Variants in DNASE1 observed in about 807,000 individuals in gnomAD.
The protein encoded by DNASE1 is deoxyribonuclease 1.
A neutral mutation model predicts 33.9 loss-of-function variants in DNASE1; 40 were observed. The observed-to-expected ratio is 1.18, with a 90% CI of 0.92 to 1.54. The LOEUF is 1.54. DNASE1 is among the 40% of genes most tolerant of loss of function. The pLI is 0.00. For missense variants in DNASE1, 518 were observed against 372.6 expected (o/e 1.39, Z -3.21); for synonymous variants, 216 against 160.0 (o/e 1.35, Z -2.64).
chr16:3,656,833 G>A (rs903228335), intron 5 of DNASE1, 80 bp downstream of exon 5: 7 of 1,544,050 alleles, frequency 4.5e-6, no homozygotes, highest in Non-Finnish European at 6.1e-6. Flanking sequence ...TGGAATGCCT[G>A]TGTCACACAC....
chr16:3,657,676 A>G (rs1486169452), intron 7 of DNASE1, 44 bp from the exon 8 acceptor site: 13 of 1,611,332 alleles, frequency 8.1e-6, no homozygotes, highest in South Asian at 2.2e-5. Flanking sequence ...AGCCAGGCCC[A>G]TGTGTGAAAG....
chr16:3,657,270 C>A lies in DNASE1; in HGVS notation c.633C>A (p.Ser211Arg). 1 of 1,614,026 alleles carries A rather than the reference C, an allele frequency of 6.2e-7. No individual in the cohort carries two copies. Among genetic ancestry groups the A allele is most frequent in the South Asian group, 1.1e-5 (1 of 91,082 alleles). ...SQWSSIRLWT[S>R]PTFQWLIPDS... The stretch of plus-strand genomic sequence containing the variant: ...GGTCATCCATCCGCCTGTGGACAAG[C>A]CCCACCTTCCAGTGGCTGATCCCCG... The change falls in exon 7 of 9, where the codon AGC (serine) becomes AGA (arginine). Residue 211 changes from serine (S) to arginine (R), a missense_variant. Transcript: ENST00000246949.
Position 3,654,803 on chromosome 16 carries a change from C to G in DNASE1, c.-243C>G, listed in dbSNP as rs1295923568. ...TGTTTTCTGCACTCTCAGGTGACGGCTCACATTTGCCCCAGGGAAGGTCAC... is the reference window on the plus strand; with the variant it reads ...TGTTTTCTGCACTCTCAGGTGACGGGTCACATTTGCCCCAGGGAAGGTCAC... On this transcript the variant is annotated 5_prime_UTR_variant, in exon 1 of 9. Coordinates refer to ENST00000246949, the MANE Select transcript of DNASE1 (RefSeq NM_005223.4). 1 of 401,882 alleles carries G rather than the reference C, an allele frequency of 2.5e-6. No individual in the cohort carries two copies. Among genetic ancestry groups the G allele is most frequent in the Non-Finnish European group, 4.4e-6 (1 of 228,490 alleles). The allele number at this position is 401,882 out of a possible 1,614,324, so 24.9% of individuals were successfully genotyped here.
exon 10 of DNASE1, chr16:3,664,727 G>A (rs1190370993): frequency 9.5e-6 from 4 of 422,654 alleles, no homozygotes; most frequent in East Asian, 4.9e-5. Context: ...ACCACGCCCT[G>A]GGAGGGGACC....
Position 3,656,087 on chromosome 16 carries a change from G to C in DNASE1, c.237-15G>C. On this transcript the variant is annotated splice_polypyrimidine_tract_variant and intron_variant, in intron 3 of 8. Coordinates refer to ENST00000246949, the MANE Select transcript of DNASE1 (RefSeq NM_005223.4). ...ATGGCCCCCGCCACTGGGACCTTTT[G>C]TTTCTTCAATCCAGGGATGCACCAG... 6 of 1,614,038 alleles carry C rather than the reference G, an allele frequency of 3.7e-6. No homozygotes were observed. Among genetic ancestry groups the C allele is most frequent in the Non-Finnish European group, 4.2e-6 (5 of 1,179,974 alleles).
At chr16:3,661,833 G>C (rs2043093604), downstream of DNASE1, 2 of 1,001,370 alleles carry the variant, frequency 2.0e-6, no homozygotes, top group South Asian at 4.7e-5. Flanking sequence ...TTTCACATGG[G>C]TGCAGCCTAA....
chr16:3,647,262 ATTTT>A (rs537295148), intron 1 of DNASE1, among the ~76,000 whole-genome samples: 1 of 130,228 alleles, frequency 7.7e-6, no homozygotes, highest in African/African-American at 2.9e-5. Context: ...TAATCATGGG[ATTTT>A]TTTTTTTTTT....
At chr16:3,642,755 G>T (rs1034359269), upstream of DNASE1, 3 of 152,470 alleles carry the variant, frequency 2.0e-5, no homozygotes, top group African/African-American at 7.2e-5. Context: ...GTCCCTGGGG[G>T]ACTGTCATTG....
chr16:3,647,459 A>C (rs1404208525), intron 1 of DNASE1, among the ~76,000 whole-genome samples: 1 of 151,876 alleles, frequency 6.6e-6, no homozygotes, highest in Admixed American at 6.6e-5. Context: ...TTTTTTGTAG[A>C]GACAGGTTCT....
exon 10 of DNASE1, chr16:3,664,359 C>G (rs746111043): frequency 1.2e-6 from 2 of 1,612,352 alleles, no homozygotes; most frequent in Non-Finnish European, 8.5e-7. Flanking sequence ...GTAGATGTTG[C>G]GGGTGCCGGC....
chr16:3,662,255 C>T, downstream of DNASE1: 1 of 1,206,722 alleles, frequency 8.3e-7, no homozygotes, highest in South Asian at 1.5e-5. Context: ...AAGGACTCCC[C>T]TGGACCAGCG....
intron 1 of DNASE1, among the ~76,000 whole-genome samples, chr16:3,630,373 G>C (rs1186264158): frequency 6.6e-6 from 1 of 152,022 alleles, no homozygotes; most frequent in Non-Finnish European, 1.5e-5. Context: ...TGTAGAGACA[G>C]GTTTTCTCCA....
At chr16:3,657,661 T>C (rs2151226207) in intron 7 of DNASE1, 59 bp from the exon 8 acceptor site, 2 of 1,604,244 alleles carry the variant, frequency 1.2e-6, no homozygotes, top group Non-Finnish European at 8.5e-7. Context: ...TTCCTGCGGG[T>C]GCTGAGCCAG....
chr16:3,627,297 GGGT>G, intron 1 of DNASE1, among the ~76,000 whole-genome samples: 1 of 148,098 alleles, frequency 6.8e-6, no homozygotes, highest in East Asian at 2.0e-4. Context: ...TTTTTAGACA[GGGT>G]GGTCTTGCTC....
At chr16:3,623,061 T>G (rs761567757) in intron 1 of DNASE1, among the ~76,000 whole-genome samples, 4 of 152,102 alleles carry the variant, frequency 2.6e-5, no homozygotes, top group Non-Finnish European at 5.9e-5. Flanking sequence ...CCAAAAAAAT[T>G]AGCTGGGCAT....
At chr16:3,624,214 A>T (rs2041424582) in intron 1 of DNASE1, among the ~76,000 whole-genome samples, 1 of 150,184 alleles carries the variant, frequency 6.7e-6, no homozygotes, top group Admixed American at 6.7e-5. Context: ...GGTTTCAGTG[A>T]CCTTAGACTG....
rs1355186131 is a variant in DNASE1 at position 3,628,473 on chromosome 16, A to G, written c.-1358-12242A>G. Among the ~76,000 whole-genome samples the G allele has an allele frequency of 3.3e-5, 5 of 152,184 alleles. No individual in the cohort carries two copies. The East Asian group carries it at 7.7e-4, about 23-fold the overall frequency. ...CAGTACTAGGTTAAATAGTAGTGGT[A>G]AAGGTGAATGTTCTCATCTTAGAAG... On this transcript the variant is annotated intron_variant and NMD_transcript_variant, in intron 1 of 11. Transcript: ENST00000570769.
At chr16:3,623,960 GACTGTAAATT>G (rs1444170588) in intron 1 of DNASE1, among the ~76,000 whole-genome samples, 1 of 152,056 alleles carries the variant, frequency 6.6e-6, no homozygotes, top group East Asian at 1.9e-4. Flanking sequence ...CTGTTAATGG[GACTGTAAATT>G]ACTATAACCT....
intron 1 of DNASE1, among the ~76,000 whole-genome samples, chr16:3,635,789 A>T (rs1350957827): frequency 2.6e-5 from 4 of 151,846 alleles, no homozygotes; most frequent in Non-Finnish European, 4.4e-5. Context: ...GTGTGATGTA[A>T]TTCTTATCCT....
Sources: allele counts gnomAD v4.1 joint callset (sites outside exome capture counted in the v4.1 genomes callset), GRCh38; gene constraint gnomAD v4.1.1; transcripts MANE v1.5; gene names NCBI Gene and HGNC (gene_info 2026-07-23, HGNC 2026-07-21).